Variants in OSBPL10 observed in about 807,000 individuals in gnomAD.
The protein encoded by OSBPL10 is oxysterol-binding protein-related protein 10.
A neutral mutation model predicts 81.7 loss-of-function variants in OSBPL10; 49 were observed. The observed-to-expected ratio is 0.60, with a 90% CI of 0.48 to 0.76. The LOEUF (loss-of-function observed/expected upper bound fraction) is 0.76. OSBPL10 is among the 30% of genes least tolerant of loss of function. The pLI, the probability that OSBPL10 is intolerant of heterozygous loss-of-function variation, is 0.00. For missense variants in OSBPL10, 923 were observed against 987.8 expected (o/e 0.93, Z 0.88); for synonymous variants, 419 against 383.6 (o/e 1.09, Z -1.08).
intron 4 of OSBPL10, among the ~76,000 whole-genome samples, chr3:31,804,769 T>C (rs1699481951): frequency 6.6e-6 from 1 of 152,254 alleles, no homozygotes; most frequent in Non-Finnish European, 1.5e-5. Flanking sequence ...GTGATCTAAA[T>C]GAAGCTTTTA....
intron 4 of OSBPL10, among the ~76,000 whole-genome samples, chr3:31,767,007 C>G (rs183401125): frequency 5.3e-5 from 8 of 152,328 alleles, no homozygotes; most frequent in Non-Finnish European, 1.0e-4. Context: ...GATGAGGGCT[C>G]AATCCACAGT....
chr3:31,673,300 C>T (rs895023969), intron 8 of OSBPL10, among the ~76,000 whole-genome samples: 1 of 152,194 alleles, frequency 6.6e-6, no homozygotes, highest in Non-Finnish European at 1.5e-5. Context: ...TCAAAGCCTA[C>T]CTTTATATCT....
chr3:31,717,566 A>G (rs1696484281), intron 6 of OSBPL10, among the ~76,000 whole-genome samples: 1 of 152,186 alleles, frequency 6.6e-6, no homozygotes, highest in Non-Finnish European at 1.5e-5. Flanking sequence ...GGAGGCACCA[A>G]TAATGCCCCA....
In OSBPL10 at chr3:31,794,988, T is replaced by A. The variant is rs949307920; in HGVS notation, c.729+35052A>T. 3 of 286,112 alleles carry A rather than the reference T, an allele frequency of 1.0e-5. No individual in the cohort carries two copies. In the South Asian group the frequency reaches 1.4e-4, roughly 14 times the overall value. The allele number at this position is 286,112 out of a possible 1,614,324, so 17.7% of individuals were successfully genotyped here. A position where few individuals can be genotyped will look rare whatever the true frequency, so the allele number is the denominator to read the frequency against. On this transcript the variant is annotated intron_variant, in intron 4 of 11. Transcript: ENST00000396556. ...TGTCACAGGAGCCATTTATCTCTTA[T>A]GAGGTTGGGAAGAACTTCTTGCCCA... is the stretch of plus-strand genomic sequence containing the variant.
At chr3:31,804,664 G>A (rs552008798) in intron 4 of OSBPL10, among the ~76,000 whole-genome samples, 3 of 152,266 alleles carry the variant, frequency 2.0e-5, no homozygotes, top group South Asian at 2.1e-4. Flanking sequence ...TGGCCATAAC[G>A]TAACAGCGCC....
At chr3:31,911,098 C>A (rs2125692425) in intron 1 of OSBPL10, among the ~76,000 whole-genome samples, 1 of 152,246 alleles carries the variant, frequency 6.6e-6, no homozygotes, top group East Asian at 1.9e-4. Flanking sequence ...CTGCTTCAGA[C>A]CCTGTTTGAG....
intron 3 of OSBPL10, among the ~76,000 whole-genome samples, chr3:31,837,456 G>GA (rs1700388958): frequency 6.8e-6 from 1 of 147,780 alleles, no homozygotes; most frequent in African/African-American, 2.5e-5. Flanking sequence ...GGAATAAAAA[G>GA]AAATTTTCTT....
intron 4 of OSBPL10, among the ~76,000 whole-genome samples, chr3:31,801,182 G>A (rs1424812651): frequency 6.6e-6 from 1 of 152,110 alleles, no homozygotes; most frequent in Non-Finnish European, 1.5e-5. Flanking sequence ...AGGAGCATGG[G>A]ATAAAGACTC....
At chr3:31,692,844 C>T (rs989754857) in intron 7 of OSBPL10, among the ~76,000 whole-genome samples, 4 of 152,168 alleles carry the variant, frequency 2.6e-5, no homozygotes, top group Non-Finnish European at 4.4e-5. Context: ...TGGCCAAGGC[C>T]CATGCTGGGT....
At position 32,066,015 on chromosome 3, in the gene OSBPL10, AAGAAAGAAAGAG is replaced by A. The variant is rs1290047031; in HGVS notation, n.185+11369_185+11380del. 2.4e-4 allele frequency among the ~76,000 whole-genome samples: 16 copies of A among 65,716 alleles called. 4 individuals are homozygous for A. In the East Asian group the frequency reaches 9.0e-3, roughly 37 times the overall value. The allele number at this position is 65,716 out of a possible 152,430, so 43.1% of individuals were successfully genotyped here. A position where few individuals can be genotyped will look rare whatever the true frequency, so the allele number is the denominator to read the frequency against. ...AGAAAGAAAGAAAGAAAGAGAAAGA[AAGAAAGAAAGAG>A]AGAGAGAGAGAAAGAGAAAGAGAAG... is the stretch of plus-strand genomic sequence containing the variant. On this transcript the variant is annotated intron_variant and non_coding_transcript_variant, in intron 1 of 3. Transcript: ENST00000479173.
At chr3:31,678,084 T>G (rs1700529231) in intron 8 of OSBPL10, among the ~76,000 whole-genome samples, 1 of 63,158 alleles carries the variant, frequency 1.6e-5, no homozygotes, top group Admixed American at 1.5e-4. Context: ...CGAGACTCCG[T>G]CTCAAAAAAA....
At position 32,017,835 on chromosome 3, in the gene OSBPL10, T is replaced by C. The variant is rs557658056; in HGVS notation, n.298+28656A>G. Among the ~76,000 whole-genome samples the C allele has an allele frequency of 2.6e-5, 4 of 152,288 alleles. No individual in the cohort carries two copies. The East Asian group carries it at 7.7e-4, about 29-fold the overall frequency. On this transcript the variant is annotated intron_variant and non_coding_transcript_variant, in intron 2 of 3. Transcript: ENST00000479173. ...GGTGAATTGTGAACAATCACATTCA[T>C]TGTGTCACTAAACTTAAAGAAATAA...
rs900406528 is a variant in OSBPL10, at chr3:31,807,404, A to AAATAC, written c.729+22635_729+22636insGTATT. On this transcript the variant is annotated intron_variant, in intron 4 of 11. Transcript: ENST00000396556. Reference sequence around the variant, plus strand: ...AAATAAATAAATAAATAAATAAATAAGATTCACTCTGCATGCTGTGTTGGA... The same window carrying AAATAC: ...AAATAAATAAATAAATAAATAAATAAAATACGATTCACTCTGCATGCTGTGTTGGA... Among the ~76,000 whole-genome samples the AAATAC allele has an allele frequency of 2.6e-5, 3 of 114,674 alleles. No homozygotes were observed. The South Asian group carries it at 8.8e-4, about 34-fold the overall frequency. 75.2% of individuals were successfully genotyped at this position (114,674 alleles called of 152,430 possible).
chr3:31,681,644 T>C lies in OSBPL10; in HGVS notation c.1726+1990A>G, dbSNP rs138402027. Among the ~76,000 whole-genome samples the C allele has an allele frequency of 7.2e-5, 11 of 152,308 alleles. 1 individual carries two copies. The highest frequency in any genetic ancestry group is 2.4e-4 in the African/African-American group (10 of 41,568). ...TCACTCTCGCACTTTGAAGCCCTTC[T>C]TCACTTGCCTCGCAAGGAGCACCTT... On this transcript the variant is annotated intron_variant, in intron 8 of 11. Transcript: ENST00000396556.
At chr3:32,028,919 C>T (rs1312059894) in intron 2 of OSBPL10, among the ~76,000 whole-genome samples, 1 of 122,780 alleles carries the variant, frequency 8.1e-6, no homozygotes, top group Non-Finnish European at 1.7e-5. Flanking sequence ...CAGTAGGTAG[C>T]TAGTCAGGAC....
intron 1 of OSBPL10, among the ~76,000 whole-genome samples, chr3:31,958,132 C>T (rs1698062378): frequency 6.6e-6 from 1 of 152,190 alleles, no homozygotes. Context: ...CCAGAATACC[C>T]TTGTGACCAC....
At chr3:31,792,904 G>GTGTGTA in intron 4 of OSBPL10, among the ~76,000 whole-genome samples, 1 of 135,930 alleles carries the variant, frequency 7.4e-6, no homozygotes, top group Admixed American at 7.4e-5. Flanking sequence ...GTGTGTGTGT[G>GTGTGTA]TGTGTTGTAG....
At chr3:31,747,509 A>C (rs942032669) in intron 5 of OSBPL10, among the ~76,000 whole-genome samples, 8 of 150,856 alleles carry the variant, frequency 5.3e-5, no homozygotes, top group East Asian at 1.9e-4. Context: ...AAAAAAAAAA[A>C]ACACAGAATG....
chr3:31,988,959 G>T (rs938285621), intron 2 of OSBPL10: 30 of 1,322,952 alleles, frequency 2.3e-5, no homozygotes, highest in Middle Eastern at 2.7e-4. Context: ...ATCAGTGTTT[G>T]TTGCCTTAAG....
Sources: gnomAD v4.1 joint callset for allele counts (sites outside exome capture counted in the v4.1 genomes callset) on GRCh38, gnomAD v4.1.1 for gene constraint, MANE v1.5 for transcripts, NCBI Gene and HGNC (gene_info 2026-07-23, HGNC 2026-07-21) for gene names.